Variants in DKK2 observed in about 807,000 individuals in gnomAD.
The protein encoded by DKK2 is dickkopf-related protein 2.
Under a neutral mutation model 28.1 loss-of-function variants are expected in DKK2, and 11 were observed. The observed-to-expected ratio is 0.39, with a 90% CI of 0.25 to 0.65. DKK2 has a LOEUF of 0.65. DKK2 is among the 30% of genes least tolerant of loss of function. The probability of loss-of-function intolerance (pLI) is 0.47; values close to 1 mark genes in which losing one functional copy is unlikely to be tolerated. For missense variants in DKK2, 326 were observed against 335.5 expected (o/e 0.97, Z 0.22); for synonymous variants, 135 against 126.5 (o/e 1.07, Z -0.45).
intron 1 of DKK2, among the ~76,000 whole-genome samples, chr4:107,017,212 C>T (rs1413601757): frequency 6.6e-6 from 1 of 151,948 alleles, no homozygotes; most frequent in African/African-American, 2.4e-5. Context: ...TAGAACAAAG[C>T]TTCCTCTCTG....
intron 1 of DKK2, among the ~76,000 whole-genome samples, chr4:106,957,890 A>T (rs1268050809): frequency 6.6e-6 from 1 of 150,700 alleles, no homozygotes; most frequent in African/African-American, 2.4e-5. Context: ...GTACCCTAAA[A>T]CTTAAAGTAT....
intron 1 of DKK2, among the ~76,000 whole-genome samples, chr4:107,016,955 T>A (rs1235371477): frequency 6.6e-6 from 1 of 151,904 alleles, no homozygotes; most frequent in African/African-American, 2.4e-5. Flanking sequence ...GATATAAATA[T>A]GAGAGTCATT....
At chr4:107,020,304 T>A (rs1207103240) in intron 1 of DKK2, among the ~76,000 whole-genome samples, 1 of 152,106 alleles carries the variant, frequency 6.6e-6, no homozygotes, top group East Asian at 1.9e-4. Context: ...GCAGATGCTG[T>A]GTCCAGGACC....
At chr4:106,994,463 TTC>T (rs1215654649) in intron 1 of DKK2, among the ~76,000 whole-genome samples, 3 of 145,024 alleles carry the variant, frequency 2.1e-5, no homozygotes, top group African/African-American at 5.1e-5. Context: ...ATCTCTCTCT[TTC>T]TCTCTCTCAC....
intron 1 of DKK2, among the ~76,000 whole-genome samples, chr4:106,996,268 C>T (rs1723271413): frequency 6.6e-6 from 1 of 152,134 alleles, no homozygotes; most frequent in Non-Finnish European, 1.5e-5. Context: ...TACAATTCAA[C>T]TTAAGAAAGA....
At chr4:106,957,001 C>T (rs1043666805) in intron 1 of DKK2, among the ~76,000 whole-genome samples, 2 of 151,874 alleles carry the variant, frequency 1.3e-5, no homozygotes, top group Admixed American at 6.6e-5. Flanking sequence ...CCAACCTACT[C>T]ACCTGACAAA....
In DKK2 at chr4:106,937,595, C is replaced by G. The variant is rs541937889; in HGVS notation, c.223-11646G>C. 4.3e-3 allele frequency among the ~76,000 whole-genome samples: 659 copies of G among 152,054 alleles called. 5 individuals carry two copies. Among genetic ancestry groups the G allele is most frequent in the African/African-American group, 0.015 (636 of 41,438 alleles). Reference sequence around the variant, plus strand: ...TCAACAAGGATACCCAAGAATTGAACTCAGCTCTTCACCAAGCGGACCTAA... The same window carrying G: ...TCAACAAGGATACCCAAGAATTGAAGTCAGCTCTTCACCAAGCGGACCTAA... On this transcript the variant is annotated intron_variant, in intron 1 of 3. Coordinates refer to ENST00000285311, the MANE Select transcript of DKK2 (RefSeq NM_014421.3).
At chr4:107,028,036 G>A (rs1380670517) in intron 1 of DKK2, among the ~76,000 whole-genome samples, 8 of 152,146 alleles carry the variant, frequency 5.3e-5, no homozygotes, top group Non-Finnish European at 1.2e-4. Context: ...ACAGGCGTGA[G>A]CCACCGCGCC....
At chr4:106,994,440 G>T (rs12502280) in intron 1 of DKK2, among the ~76,000 whole-genome samples, 1 of 150,614 alleles carries the variant, frequency 6.6e-6, no homozygotes, top group African/African-American at 2.4e-5. Context: ...TGTCTCTCTC[G>T]CTCTCTTTTC....
chr4:106,983,780 T>C (rs1006003071), intron 1 of DKK2, among the ~76,000 whole-genome samples: 1 of 152,148 alleles, frequency 6.6e-6, no homozygotes, highest in Non-Finnish European at 1.5e-5. Flanking sequence ...CAAATAATCC[T>C]ATTAGAAAGT....
At chr4:106,931,102 A>G (rs1204717442) in intron 1 of DKK2, among the ~76,000 whole-genome samples, 9 of 152,110 alleles carry the variant, frequency 5.9e-5, no homozygotes, top group Non-Finnish European at 1.0e-4. Flanking sequence ...GTTGTATACT[A>G]TCTGCCAAAG....
At chr4:106,943,811 C>T (rs920673455) in intron 1 of DKK2, among the ~76,000 whole-genome samples, 2 of 152,072 alleles carry the variant, frequency 1.3e-5, no homozygotes, top group African/African-American at 2.4e-5. Context: ...TAATGATTCC[C>T]CAATAGCTAT....
rs569541378 is a variant in DKK2, at chr4:106,968,150, A to T, written c.223-42201T>A. 2.3e-3 allele frequency among the ~76,000 whole-genome samples: 355 copies of T among 151,886 alleles called. 2 individuals carry two copies. The highest frequency in any genetic ancestry group is 8.2e-3 in the African/African-American group (340 of 41,442). On this transcript the variant is annotated intron_variant, in intron 1 of 3. Coordinates refer to ENST00000285311, the MANE Select transcript of DKK2 (RefSeq NM_014421.3). ...GAGGGAGGAAGGAAGGAAGAGACAA[A>T]AAAAAGGATGGAAGGAATGAATGCA...
chr4:107,028,880 A>G (rs1206782478), intron 1 of DKK2, among the ~76,000 whole-genome samples: 1 of 152,244 alleles, frequency 6.6e-6, no homozygotes, highest in Non-Finnish European at 1.5e-5. Context: ...CAGAAAGATG[A>G]GGACAGGGGA....
chr4:106,935,429 A>G (rs1053225069), intron 1 of DKK2, among the ~76,000 whole-genome samples: 1 of 152,226 alleles, frequency 6.6e-6, no homozygotes. Flanking sequence ...ACGGCACACC[A>G]TGAGATTATA....
intron 1 of DKK2, among the ~76,000 whole-genome samples, chr4:106,930,415 A>T (rs439902): frequency 0.28 from 43,091 of 151,996 alleles, 6,339 homozygotes; most frequent in African/African-American, 0.36. Flanking sequence ...ACAACAATGA[A>T]GTAATCAGAT....
chr4:107,007,433 G>A (rs1183209474), intron 1 of DKK2, among the ~76,000 whole-genome samples: 1 of 152,040 alleles, frequency 6.6e-6, no homozygotes, highest in Non-Finnish European at 1.5e-5. Flanking sequence ...TAATCAGAGT[G>A]ACTCCGTTTA....
intron 1 of DKK2, among the ~76,000 whole-genome samples, chr4:106,949,798 A>G (rs1238732975): frequency 6.6e-6 from 1 of 152,190 alleles, no homozygotes; most frequent in Non-Finnish European, 1.5e-5. Flanking sequence ...TTTCTTTTGC[A>G]TCACAGAAAT....
At chr4:106,990,852 A>G (rs948392112) in intron 1 of DKK2, among the ~76,000 whole-genome samples, 2 of 152,112 alleles carry the variant, frequency 1.3e-5, no homozygotes, top group African/African-American at 4.8e-5. Flanking sequence ...AGTGGAAAGT[A>G]TACTAGATGC....
Sources: allele counts gnomAD v4.1 joint callset (sites outside exome capture counted in the v4.1 genomes callset), GRCh38; gene constraint gnomAD v4.1.1; transcripts MANE v1.5; gene names NCBI Gene and HGNC (gene_info 2026-07-23, HGNC 2026-07-21).